The following HMMR variants were observed in gnomAD, a reference collection of about 807,000 sequenced individuals.
The protein encoded by HMMR is intracellular hyaluronic acid-binding protein.
In HMMR, 108 loss-of-function variants were observed where a neutral mutation model predicts 101.0. That is an observed-to-expected ratio of 1.07 (90% CI 0.92 to 1.25). The LOEUF is 1.25. HMMR is among the 50% of genes most tolerant of loss of function. HMMR has a pLI of 0.00. For synonymous variants in HMMR, 296 were observed against 276.4 expected (o/e 1.07, Z -0.70); for missense variants, 813 against 788.7 (o/e 1.03, Z -0.37).
rs1256049543 is a variant in HMMR at position 163,490,482 on chromosome 5, CTT to C, written c.2057_2058del (p.Phe686Ter). On this transcript the variant is annotated frameshift_variant, in exon 17 of 18. Coordinates refer to ENST00000393915, the MANE Select transcript of HMMR (RefSeq NM_001142556.2). LOFTEE classifies it high-confidence loss of function. ...ELNKVLGIKH[F>X]DPSKAFHHES... ...TGAATAAAGTTCTAGGTATCAAACA[CTT>C]TGATCCTTCAAAGGCTTTTCATCAT... 6.2e-7 allele frequency: 1 copy of C among 1,602,502 alleles called. No homozygotes were observed. The highest frequency in any genetic ancestry group is 1.1e-5 in the South Asian group (1 of 88,316).
chr5:163,464,400 G>C (rs1185006451), intron 2 of HMMR, among the ~76,000 whole-genome samples: 1 of 152,198 alleles, frequency 6.6e-6, no homozygotes, highest in Non-Finnish European at 1.5e-5. Flanking sequence ...TGGATCACAT[G>C]AGTTCAGGAT....
At chr5:163,469,085 C>T (rs554018281) in intron 4 of HMMR, among the ~76,000 whole-genome samples, 25 of 152,112 alleles carry the variant, frequency 1.6e-4, no homozygotes, top group Non-Finnish European at 2.2e-4. Flanking sequence ...TAAATAGCGG[C>T]CGGGTGTGGT....
chr5:163,468,284 T>C (rs1436237623), intron 4 of HMMR, among the ~76,000 whole-genome samples: 1 of 152,194 alleles, frequency 6.6e-6, no homozygotes, highest in Non-Finnish European at 1.5e-5. Flanking sequence ...AAGAACTCAA[T>C]TCCTCAGTTG....
At chr5:163,464,353 T>C (rs887359281) in intron 2 of HMMR, among the ~76,000 whole-genome samples, 2 of 152,202 alleles carry the variant, frequency 1.3e-5, no homozygotes, top group African/African-American at 4.8e-5. Flanking sequence ...AGGTGGCTCG[T>C]GCTCGTAATC....
chr5:163,468,200 C>T lies in HMMR; in HGVS notation c.273+452C>T, dbSNP rs1758762782. Among the ~76,000 whole-genome samples the T allele has an allele frequency of 2.6e-5, 4 of 152,216 alleles. No homozygotes were observed. The South Asian group carries it at 8.3e-4, about 32-fold the overall frequency. On this transcript the variant is annotated intron_variant, in intron 4 of 17. Coordinates refer to ENST00000393915, the MANE Select transcript of HMMR (RefSeq NM_001142556.2). ...CTGCACAATAGGTATAGGCCTTCCTCATGGGTGAAATAACATAGAGCTGTG... is the reference window on the plus strand; with the variant it reads ...CTGCACAATAGGTATAGGCCTTCCTTATGGGTGAAATAACATAGAGCTGTG...
Position 163,491,123 on chromosome 5 carries a change from T to G in HMMR, c.2137T>G (p.Cys713Gly), listed in dbSNP as rs761787323. Residue 713 changes from cysteine (C) to glycine (G), a missense_variant, in exon 18 of 18, where the codon TGT becomes GGT. Physicochemically the swap from Cys to Gly is radical, Grantham distance 159. Coordinates refer to ENST00000393915, the MANE Select transcript of HMMR (RefSeq NM_001142556.2). ...KTPLKEGNTNCYRAPMECQES... is the reference protein window; with the variant it reads ...KTPLKEGNTNGYRAPMECQES... ...AATAATTCTTCTAGGCAATACAAAC[T>G]GTTACCGAGCTCCTATGGAGTGTCA... The G allele has an allele frequency of 6.4e-7, 1 of 1,566,288 alleles. No homozygotes were observed.
rs371752433 is a variant in HMMR, at chr5:163,484,279, A to G, written c.1962+34A>G. On this transcript the variant is annotated intron_variant, in intron 16 of 17. Transcript: ENST00000393915. ...AATGACTTTTCATTTTATTAAAGAT[A>G]TTGGAGTGGGGGTTATTCTAACTAT... The G allele has an allele frequency of 3.3e-5, 38 of 1,152,608 alleles. No individual in the cohort carries two copies. The African/African-American group carries it at 5.8e-4, about 18-fold the overall frequency. The allele number at this position is 1,152,608 out of a possible 1,614,324, so 71.4% of individuals were successfully genotyped here.
chr5:163,478,839 G>A, intron 12 of HMMR, 39 bp downstream of exon 12: 4 of 1,075,772 alleles, frequency 3.7e-6, no homozygotes, highest in Non-Finnish European at 5.8e-6. Flanking sequence ...AATATGATGT[G>A]TGCAGAAAGG....
At chr5:163,490,951 ATAAAT>A (rs1301059255) in intron 17 of HMMR, among the ~76,000 whole-genome samples, 156 bp from the exon 18 acceptor site, 1 of 152,206 alleles carries the variant, frequency 6.6e-6, no homozygotes, top group African/African-American at 2.4e-5. Flanking sequence ...GTCTTTCACG[ATAAAT>A]TAAAGTTGGT....
intron 10 of HMMR, 80 bp downstream of exon 10, chr5:163,474,285 GTA>G: frequency 9.5e-7 from 1 of 1,051,460 alleles, no homozygotes. Context: ...TTTAAATTGT[GTA>G]TATCCTTTGA....
intron 12 of HMMR, among the ~76,000 whole-genome samples, chr5:163,481,587 C>T (rs1316345328): frequency 6.6e-6 from 1 of 152,158 alleles, no homozygotes; most frequent in Non-Finnish European, 1.5e-5. Flanking sequence ...GCTTTCTACC[C>T]CTAGTCTCTC....
intron 16 of HMMR, among the ~76,000 whole-genome samples, chr5:163,487,270 CCTT>C (rs1345920496): frequency 2.0e-5 from 3 of 151,840 alleles, no homozygotes; most frequent in African/African-American, 4.8e-5. Context: ...ATTAATCTAA[CCTT>C]CTGAGATAAA....
intron 15 of HMMR, 55 bp from the exon 16 acceptor site, chr5:163,484,014 A>C: frequency 9.6e-7 from 1 of 1,038,230 alleles, no homozygotes; most frequent in Non-Finnish European, 1.4e-6. Flanking sequence ...TTTATATGAA[A>C]CTAGTAAGAT....
chr5:163,460,778 T>C (rs1202571449), intron 1 of HMMR, 40 bp downstream of exon 1: 1 of 1,569,974 alleles, frequency 6.4e-7, no homozygotes, highest in South Asian at 1.1e-5. Flanking sequence ...GGAGACGCCC[T>C]AACGCCCTTT....
rs753668655 is a variant in HMMR at position 163,491,316 on chromosome 5, C to A, written c.*152C>A. 9 of 515,146 alleles carry A rather than the reference C, an allele frequency of 1.7e-5. No homozygotes were observed. The highest frequency in any genetic ancestry group is 2.7e-5 in the Non-Finnish European group (8 of 293,196). 31.9% of individuals were successfully genotyped at this position (515,146 alleles called of 1,614,324 possible). A position where few individuals can be genotyped will look rare whatever the true frequency, so the allele number is the denominator to read the frequency against. On this transcript the variant is annotated 3_prime_UTR_variant, in exon 18 of 18. Coordinates refer to ENST00000393915, the MANE Select transcript of HMMR (RefSeq NM_001142556.2). Reference sequence around the variant, plus strand: ...AAAGGAACATTTTTTACCAAAGTGTCTTTTGACATTTTATTTTTTCTTGCA... The same window carrying A: ...AAAGGAACATTTTTTACCAAAGTGTATTTTGACATTTTATTTTTTCTTGCA...
At chr5:163,479,602 G>A (rs1365601351) in intron 12 of HMMR, among the ~76,000 whole-genome samples, 1 of 152,190 alleles carries the variant, frequency 6.6e-6, no homozygotes, top group Non-Finnish European at 1.5e-5. Context: ...GTTCCAGGCT[G>A]CACTGAGCTA....
chr5:163,468,888 T>C (rs1758780320), intron 4 of HMMR, among the ~76,000 whole-genome samples: 1 of 152,134 alleles, frequency 6.6e-6, no homozygotes, highest in African/African-American at 2.4e-5. Context: ...TTTTTTTTTG[T>C]TTTTTGTTTT....
At chr5:163,480,824 G>T (rs912877148) in intron 12 of HMMR, among the ~76,000 whole-genome samples, 1 of 152,028 alleles carries the variant, frequency 6.6e-6, no homozygotes, top group African/African-American at 2.4e-5. Context: ...TCATTGATTT[G>T]TAGAGGTTTT....
At chr5:163,484,418 A>G (rs191942851) in intron 16 of HMMR, among the ~76,000 whole-genome samples, 173 bp downstream of exon 16, 26 of 152,256 alleles carry the variant, frequency 1.7e-4, no homozygotes, top group Admixed American at 5.2e-4. Context: ...ATGGGCATTC[A>G]ATGTTCTAAA....
Sources: allele counts gnomAD v4.1 joint callset (sites outside exome capture counted in the v4.1 genomes callset), GRCh38; gene constraint gnomAD v4.1.1; transcripts MANE v1.5; gene names NCBI Gene and HGNC (gene_info 2026-07-23, HGNC 2026-07-21).